NEK3: variants seen among roughly 807,000 people sequenced by gnomAD.
The protein encoded by NEK3 is NIMA related kinase 3.
NEK3 carries 54 observed loss-of-function variants against 66.0 expected under a neutral mutation model. That is an observed-to-expected ratio of 0.82 (90% CI 0.66 to 1.03). The LOEUF (loss-of-function observed/expected upper bound fraction) is 1.03, where lower values mean the gene tolerates loss of function less well. Among genes scored for constraint, NEK3 ranks in the 50% least tolerant of loss-of-function variants. The pLI, the probability that NEK3 is intolerant of heterozygous loss-of-function variation, is 0.00. For missense variants in NEK3, 593 were observed against 603.0 expected, an observed-to-expected ratio of 0.98 and a Z score of 0.17; for synonymous variants, 200 against 206.2, an observed-to-expected ratio of 0.97 and a Z score of 0.26.
In NEK3 at chr13:52,132,892, T is replaced by A. The variant is rs1956165190; in HGVS notation, c.*250A>T. The A allele has an allele frequency of 2.4e-6, 1 of 413,884 alleles. No homozygotes were observed. The highest frequency in any genetic ancestry group is 4.4e-6 in the Non-Finnish European group (1 of 228,242). 25.6% of individuals were successfully genotyped at this position (413,884 alleles called of 1,614,324 possible). A position where few individuals can be genotyped will look rare whatever the true frequency, so the allele number is the denominator to read the frequency against. The stretch of plus-strand genomic sequence containing the variant: ...GCACGCTAGCATCCCATTTCTGTTC[T>A]ATGGGACTGCAAAGCCCGATGCTCA... On this transcript the variant is annotated 3_prime_UTR_variant, in exon 16 of 16. Transcript: ENST00000610828.
intron 1 of NEK3, among the ~76,000 whole-genome samples, chr13:52,159,018 A>G (rs1163610638): frequency 6.6e-6 from 1 of 152,062 alleles, no homozygotes; most frequent in Non-Finnish European, 1.5e-5. Flanking sequence ...CGAGTTTCAG[A>G]AGCTCTTGTG....
rs770642569 is a variant in NEK3, at chr13:52,136,918, A to C, written c.928-16T>G. Reference sequence around the variant, plus strand: ...CTTCCTCTTGCTTTAAAAGAGATTAACAATACAGATTAAATAATGCTTGAA... The same window carrying C: ...CTTCCTCTTGCTTTAAAAGAGATTACCAATACAGATTAAATAATGCTTGAA... On this transcript the variant is annotated splice_polypyrimidine_tract_variant and intron_variant, in intron 11 of 15. Transcript: ENST00000610828. 1.3e-6 allele frequency: 2 copies of C among 1,493,868 alleles called. No individual in the cohort carries two copies. 92.5% of individuals were successfully genotyped at this position (1,493,868 alleles called of 1,614,324 possible).
chr13:52,146,409 G>T (rs979466140), intron 8 of NEK3, among the ~76,000 whole-genome samples: 1 of 152,096 alleles, frequency 6.6e-6, no homozygotes, highest in African/African-American at 2.4e-5. Flanking sequence ...CCAACTATCT[G>T]TGTTTCCTAA....
At chr13:52,140,618 A>T (rs1471797951) in intron 11 of NEK3, among the ~76,000 whole-genome samples, 1 of 151,880 alleles carries the variant, frequency 6.6e-6, no homozygotes, top group East Asian at 1.9e-4. Flanking sequence ...AAATAATAAT[A>T]ATAATAAATG....
intron 1 of NEK3, among the ~76,000 whole-genome samples, chr13:52,159,026 G>C (rs1027626909): frequency 1.3e-5 from 2 of 152,124 alleles, no homozygotes; most frequent in East Asian, 1.9e-4. Context: ...AGAAGCTCTT[G>C]TGATTTCATC....
intron 12 of NEK3, 118 bp downstream of exon 12, chr13:52,136,682 A>AG (rs1956208986): frequency 6.9e-6 from 4 of 582,488 alleles, no homozygotes; most frequent in Non-Finnish European, 1.2e-5. Flanking sequence ...ATAAGTTACT[A>AG]GATAAGCAAA....
intron 8 of NEK3, among the ~76,000 whole-genome samples, chr13:52,147,195 C>T (rs755623725): frequency 6.6e-5 from 10 of 152,112 alleles, no homozygotes; most frequent in Middle Eastern, 3.2e-3. Context: ...AAAAATGACG[C>T]GGCCACTCTT....
chr13:52,153,457 G>C (rs534378534), intron 4 of NEK3, among the ~76,000 whole-genome samples: 1 of 152,210 alleles, frequency 6.6e-6, no homozygotes, highest in African/African-American at 2.4e-5. Context: ...GCAAGTCTTA[G>C]ACTGAAGGGA....
chr13:52,133,084 G>T lies in NEK3; in HGVS notation c.*58C>A. 2 of 1,337,258 alleles carry T rather than the reference G, an allele frequency of 1.5e-6. No homozygotes were observed. Among genetic ancestry groups the T allele is most frequent in the South Asian group, 2.5e-5 (2 of 80,610 alleles). 82.8% of individuals were successfully genotyped at this position (1,337,258 alleles called of 1,614,324 possible). ...GTCGCATGAACTCATGATCATCTCA[G>T]CATGAACTCCTGAGTGAAGCCTCTC... On this transcript the variant is annotated 3_prime_UTR_variant, in exon 16 of 16. Coordinates refer to ENST00000610828, the MANE Select transcript of NEK3 (RefSeq NM_002498.3).
At chr13:52,135,929 T>A (rs1956201654) in intron 13 of NEK3, 66 bp from the exon 14 acceptor site, 1 of 1,551,004 alleles carries the variant, frequency 6.4e-7, no homozygotes, top group South Asian at 1.2e-5. Context: ...ACTTTCCAGA[T>A]CATATTTTCA....
chr13:52,145,296 T>C (rs1008545748), intron 8 of NEK3, among the ~76,000 whole-genome samples: 2 of 152,094 alleles, frequency 1.3e-5, no homozygotes, highest in Non-Finnish European at 2.9e-5. Context: ...CCAGGCCTGC[T>C]CCATAGCAAC....
At position 52,141,074 on chromosome 13, in the gene NEK3, T is replaced by C. The variant is rs1186301063; in HGVS notation, c.878-5A>G. 1 of 1,596,150 alleles carries C rather than the reference T, an allele frequency of 6.3e-7. No homozygotes were observed. The highest frequency in any genetic ancestry group is 1.7e-5 in the Admixed American group (1 of 57,278). On this transcript the variant is annotated splice_region_variant and splice_polypyrimidine_tract_variant and intron_variant, in intron 10 of 15. Coordinates refer to ENST00000610828, the MANE Select transcript of NEK3 (RefSeq NM_002498.3). ...TCCTGATTCTGCTGGGGTTTGCTTT[T>C]AAAAGAGAGAGAGAAGGTAGAAAGA... is the stretch of plus-strand genomic sequence containing the variant.
At chr13:52,155,971 G>T in intron 2 of NEK3, 104 bp downstream of exon 2, 1 of 637,858 alleles carries the variant, frequency 1.6e-6, no homozygotes. Context: ...ACCTCCCAAA[G>T]TGCTGGGATT....
chr13:52,156,272 TGA>T (rs1436910377), intron 1 of NEK3, 24 bp from the exon 2 acceptor site: 2 of 848,446 alleles, frequency 2.4e-6, no homozygotes, highest in Middle Eastern at 5.9e-4. Context: ...CAGAAACATT[TGA>T]GAATTAAATG....
rs1183575384 is a variant in NEK3, at chr13:52,138,028, CTTTTCT to C, written c.928-1132_928-1127del. 4.6e-5 allele frequency among the ~76,000 whole-genome samples: 7 copies of C among 152,304 alleles called. 1 individual carries two copies. The highest frequency in any genetic ancestry group is 3.3e-4 in the Admixed American group (5 of 15,292). On this transcript the variant is annotated intron_variant, in intron 11 of 15. Transcript: ENST00000610828. The stretch of plus-strand genomic sequence containing the variant: ...GGAAACATTTTAGGGGATGGAAATT[CTTTTCT>C]TTTTGAGACAGAGTCTTGCTGTGTT...
At chr13:52,137,278 A>G (rs1956214117) in intron 11 of NEK3, among the ~76,000 whole-genome samples, 1 of 152,216 alleles carries the variant, frequency 6.6e-6, no homozygotes, top group Admixed American at 6.5e-5. Context: ...TTTACAAACT[A>G]TAATATCAAA....
rs781212782 is a variant in NEK3, at chr13:52,133,187, T to C, written c.1476A>G (p.Ser492=). Residue 492 remains serine, a synonymous_variant, in exon 16 of 16, where the codon TCA becomes TCG. Transcript: ENST00000610828. ...EEEDDNPDWV[S]ELKKRAGWQG... is the part of the protein sequence containing the mutation. ...GCCATCCAGCTCGCTTCTTCAGCTC[T>C]GACACCCAGTCGGGGTTGTCATCTT... The C allele has an allele frequency of 5.6e-6, 9 of 1,610,700 alleles. No homozygotes were observed. Among genetic ancestry groups the C allele is most frequent in the Non-Finnish European group, 6.8e-6 (8 of 1,178,682 alleles).
intron 11 of NEK3, among the ~76,000 whole-genome samples, chr13:52,139,608 C>T (rs913856436): frequency 6.6e-5 from 10 of 152,186 alleles, no homozygotes; most frequent in African/African-American, 2.4e-4. Flanking sequence ...CATAAAAAAA[C>T]AAAAAGCAGG....
At chr13:52,150,034 T>C (rs1365247252) in intron 7 of NEK3, among the ~76,000 whole-genome samples, 1 of 152,194 alleles carries the variant, frequency 6.6e-6, no homozygotes, top group Non-Finnish European at 1.5e-5. Flanking sequence ...ATTTACTGCA[T>C]ACCCAAATTT....
Sources: allele counts gnomAD v4.1 joint callset (sites outside exome capture counted in the v4.1 genomes callset), GRCh38; gene constraint gnomAD v4.1.1; transcripts MANE v1.5; gene names NCBI Gene and HGNC (gene_info 2026-07-23, HGNC 2026-07-21).